LOXL2: variants seen among roughly 807,000 people sequenced by gnomAD.
LOXL2 encodes lysyl oxidase like 2.
A neutral mutation model predicts 93.0 loss-of-function variants in LOXL2; 70 were observed. That is an observed-to-expected ratio of 0.75 (90% confidence interval 0.62 to 0.92). LOXL2 has a LOEUF of 0.92. Among genes scored for constraint, LOXL2 ranks in the 40% least tolerant of loss-of-function variants. The pLI, the probability that LOXL2 is intolerant of heterozygous loss-of-function variation, is 0.00. For missense variants in LOXL2, 973 were observed against 1,054.9 expected (o/e 0.92, Z 1.08); for synonymous variants, 438 against 413.2 (o/e 1.06, Z -0.73).
At chr8:23,395,879 G>A (rs1339972445) in intron 1 of LOXL2, among the ~76,000 whole-genome samples, 1 of 151,940 alleles carries the variant, frequency 6.6e-6, no homozygotes, top group Admixed American at 6.6e-5. Flanking sequence ...TTACCCTGTT[G>A]CCCAGGCTGG....
chr8:23,385,457 A>G (rs1804746302), intron 1 of LOXL2, among the ~76,000 whole-genome samples: 1 of 146,708 alleles, frequency 6.8e-6, no homozygotes, highest in Non-Finnish European at 1.5e-5. Context: ...AAGGGGTTTC[A>G]CCATGTTGGC....
chr8:23,331,494 G>C (rs1315509463), intron 5 of LOXL2: 1 of 152,194 alleles, frequency 6.6e-6, no homozygotes, highest in South Asian at 2.1e-4. Context: ...GGTTTTACCT[G>C]GCACAGGGCA....
intron 6 of LOXL2, among the ~76,000 whole-genome samples, chr8:23,327,509 C>G (rs941536014): frequency 6.6e-6 from 1 of 152,168 alleles, no homozygotes; most frequent in Non-Finnish European, 1.5e-5. Flanking sequence ...TCCTACCTAT[C>G]CCTTCCCAGC....
intron 12 of LOXL2, among the ~76,000 whole-genome samples, chr8:23,300,219 G>A (rs568545078): frequency 3.3e-5 from 5 of 152,230 alleles, no homozygotes; most frequent in South Asian, 2.1e-4. Flanking sequence ...CCAGTGTTAC[G>A]TGTGGGGTGG....
chr8:23,395,862 T>C (rs1585385741), intron 1 of LOXL2, among the ~76,000 whole-genome samples: 3 of 152,060 alleles, frequency 2.0e-5, no homozygotes, highest in East Asian at 2.0e-4. Flanking sequence ...TTAGTAGAGA[T>C]GGGGTTTTAC....
At chr8:23,313,993 GAC>G (rs1803354611) in intron 9 of LOXL2, among the ~76,000 whole-genome samples, 1 of 120,142 alleles carries the variant, frequency 8.3e-6, no homozygotes, top group Admixed American at 9.5e-5. Flanking sequence ...GATATGAACA[GAC>G]ACTTCTCAAA....
At position 23,309,662 on chromosome 8, in the gene LOXL2, GCCTA is replaced by G; in HGVS notation, c.1880+2_1880+5del. On this transcript the variant is annotated splice_donor_variant and splice_donor_5th_base_variant and intron_variant, in intron 10 of 13. Coordinates refer to ENST00000389131, the MANE Select transcript of LOXL2 (RefSeq NM_002318.3). LOFTEE classifies it high-confidence loss of function. Reference sequence around the variant, plus strand: ...CTTAGTGGGGAGGGTGGCCAGCCAGGCCTACCTGTGACAGTCGTGCCAGATCCAC... The same window carrying G: ...CTTAGTGGGGAGGGTGGCCAGCCAGGCCTGTGACAGTCGTGCCAGATCCAC... 1 of 1,441,462 alleles carries G rather than the reference GCCTA, an allele frequency of 6.9e-7. No homozygotes were observed. Among genetic ancestry groups the G allele is most frequent in the Non-Finnish European group, 9.2e-7 (1 of 1,087,828 alleles). 89.3% of individuals were successfully genotyped at this position (1,441,462 alleles called of 1,614,324 possible). A position where few individuals can be genotyped will look rare whatever the true frequency, so the allele number is the denominator to read the frequency against.
intron 1 of LOXL2, among the ~76,000 whole-genome samples, chr8:23,396,546 C>T (rs1800091463): frequency 6.6e-6 from 1 of 152,160 alleles, no homozygotes; most frequent in Non-Finnish European, 1.5e-5. Flanking sequence ...TGGTGATACC[C>T]TAACACAGCT....
At chr8:23,379,262 A>C (rs181171661) in intron 1 of LOXL2, among the ~76,000 whole-genome samples, 2 of 152,324 alleles carry the variant, frequency 1.3e-5, no homozygotes, top group East Asian at 3.9e-4. Context: ...ATATTGCTGA[A>C]CAGCAAATGT....
chr8:23,327,170 C>G (rs1803592463), intron 6 of LOXL2, among the ~76,000 whole-genome samples: 1 of 152,154 alleles, frequency 6.6e-6, no homozygotes, highest in South Asian at 2.1e-4. Flanking sequence ...AAGAGCTGAC[C>G]CACTGCAGGC....
At chr8:23,320,098 G>C in intron 7 of LOXL2, 46 bp from the exon 8 acceptor site, 1 of 1,598,480 alleles carries the variant, frequency 6.3e-7, no homozygotes, top group Non-Finnish European at 8.5e-7. Flanking sequence ...GGACAAGGGA[G>C]CTTCCCCCCT....
chr8:23,370,410 T>C (rs1246196573), intron 1 of LOXL2, among the ~76,000 whole-genome samples: 3 of 152,214 alleles, frequency 2.0e-5, no homozygotes, highest in Admixed American at 1.3e-4. Flanking sequence ...CACCGGACCC[T>C]CAGGCCCAAG....
intron 2 of LOXL2, chr8:23,363,941 CA>C: frequency 1.3e-5 from 2 of 152,398 alleles, no homozygotes; most frequent in Non-Finnish European, 2.9e-5. Context: ...GTGGTGCAAT[CA>C]TAGCTCACTG....
intron 1 of LOXL2, among the ~76,000 whole-genome samples, chr8:23,392,283 C>G (rs1314751414): frequency 6.6e-6 from 1 of 152,188 alleles, no homozygotes; most frequent in Non-Finnish European, 1.5e-5. Flanking sequence ...TGATCTGGAT[C>G]CTGTCCAGAA....
At chr8:23,330,541 C>T (rs544825449) in intron 5 of LOXL2, among the ~76,000 whole-genome samples, 160 of 152,268 alleles carry the variant, frequency 1.1e-3, no homozygotes, top group African/African-American at 3.7e-3. Flanking sequence ...TAACCTCGCC[C>T]CAGCCCAGCT....
chr8:23,351,819 C>T (rs751124639), intron 3 of LOXL2, among the ~76,000 whole-genome samples: 10 of 152,060 alleles, frequency 6.6e-5, no homozygotes, highest in Non-Finnish European at 1.0e-4. Context: ...AATAGAATCG[C>T]GGAATGTGAG....
chr8:23,380,579 G>C (rs539057904), intron 1 of LOXL2, among the ~76,000 whole-genome samples: 4 of 152,084 alleles, frequency 2.6e-5, no homozygotes, highest in South Asian at 2.1e-4. Flanking sequence ...CTCCTCTGGG[G>C]GATTGTAACA....
intron 6 of LOXL2, among the ~76,000 whole-genome samples, chr8:23,324,483 G>T (rs1193758803): frequency 1.3e-5 from 2 of 152,180 alleles, no homozygotes; most frequent in African/African-American, 2.4e-5. Flanking sequence ...AAGGACACTG[G>T]ACTGGGTGTC....
chr8:23,351,123 T>C (rs746101200), intron 3 of LOXL2, among the ~76,000 whole-genome samples: 2 of 152,190 alleles, frequency 1.3e-5, no homozygotes, highest in Non-Finnish European at 2.9e-5. Flanking sequence ...TTTATCCTCA[T>C]GTCTAGTGTA....
Sources: allele counts gnomAD v4.1 joint callset (sites outside exome capture counted in the v4.1 genomes callset), GRCh38; gene constraint gnomAD v4.1.1; transcripts MANE v1.5; gene names NCBI Gene and HGNC (gene_info 2026-07-23, HGNC 2026-07-21).